BCL11A: variants seen among roughly 807,000 people sequenced by gnomAD.
BCL11A encodes BCL11 transcription factor A, also known as B cell CLL/lymphoma 11A.
In BCL11A, 2 loss-of-function variants were observed where a neutral mutation model predicts 55.9. That is an observed-to-expected ratio of 0.04 (90% CI 0.01 to 0.11). The LOEUF (loss-of-function observed/expected upper bound fraction) is 0.11. Among genes scored for constraint, BCL11A ranks in the 10% least tolerant of loss-of-function variants. BCL11A has a pLI of 1.00. For synonymous variants in BCL11A, 465 were observed against 473.4 expected (o/e 0.98, Z 0.23); for missense variants, 817 against 1,137.1 (o/e 0.72, Z 4.05).
At position 60,457,910 on chromosome 2, in the gene BCL11A, A is replaced by G; in HGVS notation, c.*2494T>C. On this transcript the variant is annotated 3_prime_UTR_variant, in exon 4 of 4. Transcript: ENST00000642384. ...TAGCAGGCTCCCCCAAACCGCCATT[A>G]TATGGCTTCTCATCTGTAATGTCAC... is the stretch of plus-strand genomic sequence containing the variant. 1 of 1,045,804 alleles carries G rather than the reference A, an allele frequency of 9.6e-7. No homozygotes were observed. The highest frequency in any genetic ancestry group is 1.2e-6 in the Non-Finnish European group (1 of 867,124). The allele number at this position is 1,045,804 out of a possible 1,614,324, so 64.8% of individuals were successfully genotyped here. A position where few individuals can be genotyped will look rare whatever the true frequency, so the allele number is the denominator to read the frequency against.
At chr2:60,523,947 T>C (rs1040064174) in intron 2 of BCL11A, among the ~76,000 whole-genome samples, 1 of 152,198 alleles carries the variant, frequency 6.6e-6, no homozygotes, top group Non-Finnish European at 1.5e-5. Flanking sequence ...GACTATCCCA[T>C]CTTAAACTTC....
intron 2 of BCL11A, among the ~76,000 whole-genome samples, chr2:60,523,650 G>A (rs1291408008): frequency 6.7e-6 from 1 of 149,604 alleles, no homozygotes. Flanking sequence ...TGTGTTTGGG[G>A]ATTTTTTTTT....
chr2:60,491,439 G>A (rs137943695), intron 2 of BCL11A, among the ~76,000 whole-genome samples: 16 of 152,044 alleles, frequency 1.1e-4, no homozygotes, highest in East Asian at 1.9e-4. Context: ...TTGGGAGGCC[G>A]GGGCAGGAGG....
At chr2:60,494,059 G>C (rs1248575168) in intron 2 of BCL11A, among the ~76,000 whole-genome samples, 1 of 152,164 alleles carries the variant, frequency 6.6e-6, no homozygotes, top group East Asian at 1.9e-4. Flanking sequence ...ATGCAAGGGG[G>C]AGAAACTGAA....
chr2:60,486,591 C>T (rs537281273), intron 2 of BCL11A, among the ~76,000 whole-genome samples: 72 of 152,332 alleles, frequency 4.7e-4, no homozygotes, highest in Middle Eastern at 6.8e-3. Context: ...GACATGAGAT[C>T]CTCTGGCTTT....
At chr2:60,515,953 T>C (rs1668708624) in intron 2 of BCL11A, among the ~76,000 whole-genome samples, 1 of 152,218 alleles carries the variant, frequency 6.6e-6, no homozygotes, top group Non-Finnish European at 1.5e-5. Context: ...TGGGCACCGC[T>C]GGGCCAACAC....
At chr2:60,469,941 T>C (rs147805871) in intron 2 of BCL11A, among the ~76,000 whole-genome samples, 51 of 152,282 alleles carry the variant, frequency 3.3e-4, no homozygotes, top group African/African-American at 1.2e-3. Flanking sequence ...ACAAACAGTA[T>C]GTTTTCCATT....
At chr2:60,496,905 A>G (rs1010833850) in intron 2 of BCL11A, among the ~76,000 whole-genome samples, 8 of 152,258 alleles carry the variant, frequency 5.3e-5, no homozygotes, top group Non-Finnish European at 1.0e-4. Flanking sequence ...TTTGTAAAGC[A>G]GGACCCATTT....
chr2:60,545,480 T>C (rs1670107342), intron 2 of BCL11A: 1 of 159,778 alleles, frequency 6.3e-6, no homozygotes, highest in Non-Finnish European at 1.4e-5. Context: ...CCAACTACCC[T>C]GCCAGCCCAC....
At position 60,458,522 on chromosome 2, in the gene BCL11A, G is replaced by A; in HGVS notation, c.*1882C>T. On this transcript the variant is annotated 3_prime_UTR_variant, in exon 4 of 4. Coordinates refer to ENST00000642384, the MANE Select transcript of BCL11A (RefSeq NM_022893.4). ...GCAATCATTCATTTCTATGTTAAGT[G>A]TATTCTGTTTCCATTCACAGCGCTT... 1 of 1,034,642 alleles carries A rather than the reference G, an allele frequency of 9.7e-7. No homozygotes were observed. Among genetic ancestry groups the A allele is most frequent in the Non-Finnish European group, 1.2e-6 (1 of 859,380 alleles). 64.1% of individuals were successfully genotyped at this position (1,034,642 alleles called of 1,614,324 possible). A position where few individuals can be genotyped will look rare whatever the true frequency, so the allele number is the denominator to read the frequency against.
intron 2 of BCL11A, among the ~76,000 whole-genome samples, chr2:60,514,010 A>T (rs1194204794): frequency 6.6e-6 from 1 of 152,256 alleles, no homozygotes; most frequent in Non-Finnish European, 1.5e-5. Flanking sequence ...AGAGAAGGAC[A>T]GACTTGAGGG....
exon 5 of BCL11A, chr2:60,451,837 T>A (rs1217333917): frequency 4.4e-6 from 1 of 229,824 alleles, no homozygotes; most frequent in Non-Finnish European, 8.6e-6. Context: ...ATATTATGCA[T>A]TATTTAATGG....
At chr2:60,533,722 C>G (rs1669555234) in intron 2 of BCL11A, 1 of 152,182 alleles carries the variant, frequency 6.6e-6, no homozygotes, top group Non-Finnish European at 1.5e-5. Flanking sequence ...TCGCTCGACA[C>G]ACACAAATAA....
intron 2 of BCL11A, among the ~76,000 whole-genome samples, chr2:60,492,831 T>TATACTTTAC (rs1241911445): frequency 6.6e-6 from 1 of 152,164 alleles, no homozygotes; most frequent in African/African-American, 2.4e-5. Flanking sequence ...TTTATTAAGG[T>TATACTTTAC]ATACTTTACA....
chr2:60,537,931 C>T (rs1669743318), intron 2 of BCL11A: 1 of 152,178 alleles, frequency 6.6e-6, no homozygotes, highest in Non-Finnish European at 1.5e-5. Flanking sequence ...AAACTAAAAT[C>T]AAATTGTAGG....
chr2:60,498,393 A>G (rs776127213), intron 2 of BCL11A, among the ~76,000 whole-genome samples: 8 of 151,994 alleles, frequency 5.3e-5, no homozygotes, highest in Non-Finnish European at 8.8e-5. Context: ...CCAAGCACAC[A>G]AGATGCACAC....
intron 2 of BCL11A, among the ~76,000 whole-genome samples, chr2:60,491,111 G>A (rs1276496941): frequency 2.0e-5 from 3 of 152,164 alleles, no homozygotes; most frequent in Admixed American, 6.5e-5. Flanking sequence ...ACCAAAAAAT[G>A]ACAACATCTT....
downstream of BCL11A, among the ~76,000 whole-genome samples, chr2:60,453,622 C>T (rs1675816090): frequency 6.6e-6 from 1 of 152,256 alleles, no homozygotes; most frequent in African/African-American, 2.4e-5. Flanking sequence ...CGCTAAGTCA[C>T]TGTCGTCGAG....
At chr2:60,495,430 G>T (rs1678890385) in intron 2 of BCL11A, among the ~76,000 whole-genome samples, 1 of 152,188 alleles carries the variant, frequency 6.6e-6, no homozygotes, top group Non-Finnish European at 1.5e-5. Flanking sequence ...CACACCTGGG[G>T]CATAGAGCCA....
Sources: allele counts gnomAD v4.1 joint callset (sites outside exome capture counted in the v4.1 genomes callset), GRCh38; gene constraint gnomAD v4.1.1; transcripts MANE v1.5; gene names NCBI Gene and HGNC (gene_info 2026-07-23, HGNC 2026-07-21).